The following HS2ST1 variants were observed in gnomAD, a reference collection of about 807,000 sequenced individuals.
The protein encoded by HS2ST1 is 2-O-sulfotransferase.
HS2ST1 carries 18 observed loss-of-function variants against 42.9 expected under a neutral mutation model. The ratio of observed to expected loss-of-function variants is 0.42; its 90% confidence interval spans 0.29 to 0.62. HS2ST1 has a LOEUF of 0.62. Ranked by LOEUF, HS2ST1 falls within the 20% of genes least tolerant of loss-of-function variation. HS2ST1 has a pLI of 0.21. For synonymous variants in HS2ST1, 146 were observed against 152.9 expected (o/e 0.95, Z 0.33); for missense variants, 334 against 433.8 (o/e 0.77, Z 2.04).
chr1:86,965,572 A>G (rs1648023681), intron 1 of HS2ST1, among the ~76,000 whole-genome samples: 1 of 152,020 alleles, frequency 6.6e-6, no homozygotes, highest in Admixed American at 6.6e-5. Context: ...GGGGAGTTTT[A>G]AGAAAACTAC....
intron 3 of HS2ST1, among the ~76,000 whole-genome samples, chr1:87,084,678 C>T (rs140574136): frequency 5.5e-4 from 83 of 152,262 alleles, no homozygotes; most frequent in African/African-American, 1.9e-3. Context: ...CCAAGACATA[C>T]TGAAGTGTAC....
intron 5 of HS2ST1, among the ~76,000 whole-genome samples, chr1:87,102,060 A>ATTG (rs1354451376): frequency 6.6e-6 from 1 of 150,478 alleles, no homozygotes; most frequent in Non-Finnish European, 1.5e-5. Flanking sequence ...TATTATTATT[A>ATTG]TTATTATTAT....
chr1:86,943,456 C>A (rs1394474318), intron 1 of HS2ST1, among the ~76,000 whole-genome samples: 1 of 152,134 alleles, frequency 6.6e-6, no homozygotes, highest in African/African-American at 2.4e-5. Context: ...GTGCCCCACG[C>A]CTTTAATCCC....
At position 86,952,225 on chromosome 1, in the gene HS2ST1, A is replaced by G. The variant is rs181642076; in HGVS notation, c.124+37065A>G. Among the ~76,000 whole-genome samples the G allele has an allele frequency of 3.3e-5, 5 of 152,266 alleles. No individual in the cohort carries two copies. The East Asian group carries it at 9.7e-4, about 29-fold the overall frequency. On this transcript the variant is annotated intron_variant, in intron 1 of 6. Transcript: ENST00000370550. ...TCCGTGGCAGCTATAGCCTTACAAA[A>G]TGTTTTTCTTAAATAATAAATACTT...
chr1:86,975,164 A>G (rs1648359746), intron 1 of HS2ST1, among the ~76,000 whole-genome samples: 1 of 152,148 alleles, frequency 6.6e-6, no homozygotes, highest in Non-Finnish European at 1.5e-5. Flanking sequence ...GTACTCAAAG[A>G]CTTTGGTAGA....
At chr1:86,991,142 G>A (rs1648940020) in intron 1 of HS2ST1, among the ~76,000 whole-genome samples, 1 of 151,696 alleles carries the variant, frequency 6.6e-6, no homozygotes, top group Admixed American at 6.6e-5. Flanking sequence ...TGGGCCCAGT[G>A]GGTATTTCTC....
At chr1:87,048,178 G>GT (rs1195574817) in intron 1 of HS2ST1, among the ~76,000 whole-genome samples, 3 of 151,952 alleles carry the variant, frequency 2.0e-5, no homozygotes, top group African/African-American at 7.3e-5. Context: ...ATTTTACATG[G>GT]TATTTTTTAT....
chr1:86,952,840 A>C (rs562424336), intron 1 of HS2ST1, among the ~76,000 whole-genome samples: 1 of 152,278 alleles, frequency 6.6e-6, no homozygotes, highest in African/African-American at 2.4e-5. Context: ...CATAATTCTT[A>C]AAGGCCCTAG....
At chr1:87,047,484 C>G (rs898406524) in intron 1 of HS2ST1, among the ~76,000 whole-genome samples, 1 of 152,056 alleles carries the variant, frequency 6.6e-6, no homozygotes, top group African/African-American at 2.4e-5. Flanking sequence ...TTTAAGAAAT[C>G]TTTGCCAAAC....
intron 3 of HS2ST1, 73 bp from the exon 4 acceptor site, chr1:87,092,458 A>AC: frequency 1.0e-6 from 1 of 1,000,684 alleles, no homozygotes; most frequent in Non-Finnish European, 1.4e-6. Context: ...TCAGACTTAA[A>AC]CATGTAATTT....
At chr1:86,925,373 G>C (rs557695661) in intron 1 of HS2ST1, among the ~76,000 whole-genome samples, 1 of 152,070 alleles carries the variant, frequency 6.6e-6, no homozygotes. Flanking sequence ...ACATTTTTGG[G>C]TATCTTTTCA....
Position 86,948,979 on chromosome 1 carries a change from A to C in HS2ST1, c.124+33819A>C, listed in dbSNP as rs1382252540. On this transcript the variant is annotated intron_variant, in intron 1 of 6. Coordinates refer to ENST00000370550, the MANE Select transcript of HS2ST1 (RefSeq NM_012262.4). The stretch of plus-strand genomic sequence containing the variant: ...ACCTGTTATAAAATTTGGCCTACAG[A>C]AAGTTCTCAAAGTAATAGTTACTAC... Among the ~76,000 whole-genome samples, 3 of 152,226 alleles carry C rather than the reference A, an allele frequency of 2.0e-5. 1 individual carries two copies. The highest frequency in any genetic ancestry group is 2.0e-4 in the Admixed American group (3 of 15,280).
rs999982150 is a variant in HS2ST1 at position 86,945,423 on chromosome 1, T to C, written c.124+30263T>C. Among the ~76,000 whole-genome samples, 4 of 152,348 alleles carry C rather than the reference T, an allele frequency of 2.6e-5. No homozygotes were observed. In the East Asian group the frequency reaches 5.8e-4, roughly 22 times the overall value. On this transcript the variant is annotated intron_variant, in intron 1 of 6. Coordinates refer to ENST00000370550, the MANE Select transcript of HS2ST1 (RefSeq NM_012262.4). ...CTTTATGAAAAATCTAATTTAATTATGACAACAGTTTTGTGTGGCAGATAT... is the reference window on the plus strand; with the variant it reads ...CTTTATGAAAAATCTAATTTAATTACGACAACAGTTTTGTGTGGCAGATAT...
rs1179102121 is a variant in HS2ST1 at position 87,084,278 on chromosome 1, A to G, written c.448A>G (p.Lys150Glu). 6.4e-7 allele frequency: 1 copy of G among 1,574,186 alleles called. No individual in the cohort carries two copies. The highest frequency in any genetic ancestry group is 8.7e-7 in the Non-Finnish European group (1 of 1,147,812). Residue 150 changes from lysine (K) to glutamate (E), a missense_variant and splice_region_variant, in exon 3 of 7, where the codon AAA becomes GAA. Lys to Glu is a moderately conservative substitution (Grantham distance 56). Coordinates refer to ENST00000370550, the MANE Select transcript of HS2ST1 (RefSeq NM_012262.4). Reference protein sequence around the residue: ...HGHVSYLDFAKFGVKKKPIYI... With the variant: ...HGHVSYLDFAEFGVKKKPIYI... ...ACACGTTTCTTACTTGGATTTTGCA[A>G]AGTAAGTTACACTGAAATGACACGC...
At chr1:86,985,050 G>A (rs113563125) in intron 1 of HS2ST1, among the ~76,000 whole-genome samples, 2,097 of 151,474 alleles carry the variant, frequency 0.014, 56 homozygotes, top group African/African-American at 0.048. Flanking sequence ...TACCCTAAAC[G>A]TTTATATCCA....
intron 1 of HS2ST1, among the ~76,000 whole-genome samples, chr1:86,969,835 T>C (rs1242900792): frequency 6.6e-6 from 1 of 152,128 alleles, no homozygotes; most frequent in Non-Finnish European, 1.5e-5. Flanking sequence ...ATTAAGAGTA[T>C]TTAGTTGGGG....
chr1:86,923,411 T>C (rs1173925821), intron 1 of HS2ST1, among the ~76,000 whole-genome samples: 1 of 151,726 alleles, frequency 6.6e-6, no homozygotes, highest in Non-Finnish European at 1.5e-5. Context: ...TTTTTTTTTT[T>C]TTTGAGACAG....
At chr1:87,100,146 G>C (rs954776302) in intron 5 of HS2ST1, among the ~76,000 whole-genome samples, 9 of 152,216 alleles carry the variant, frequency 5.9e-5, no homozygotes, top group Non-Finnish European at 1.0e-4. Context: ...CCACTAGGCA[G>C]TTCCCTGTTT....
At chr1:87,077,392 T>C (rs1651572550) in intron 2 of HS2ST1, among the ~76,000 whole-genome samples, 1 of 152,202 alleles carries the variant, frequency 6.6e-6, no homozygotes, top group Non-Finnish European at 1.5e-5. Flanking sequence ...TTTTAAGGCC[T>C]CCGCACTTAT....
Sources: gnomAD v4.1 joint callset for allele counts (sites outside exome capture counted in the v4.1 genomes callset) on GRCh38, gnomAD v4.1.1 for gene constraint, MANE v1.5 for transcripts, NCBI Gene and HGNC (gene_info 2026-07-23, HGNC 2026-07-21) for gene names.